TP73: variants seen among roughly 807,000 people sequenced by gnomAD.
TP73 encodes the protein tumor protein p73.
TP73 carries 25 observed loss-of-function variants against 62.5 expected under a neutral mutation model. The observed-to-expected ratio is 0.40, with a 90% CI of 0.29 to 0.56. The LOEUF is 0.56. Ranked by LOEUF, TP73 falls within the 20% of genes least tolerant of loss-of-function variation. TP73 has a pLI of 0.46. For synonymous variants in TP73, 423 were observed against 377.5 expected (o/e 1.12, Z -1.40); for missense variants, 754 against 913.3 (o/e 0.83, Z 2.25).
chr1:3,667,477 G>A (rs542520187), intron 1 of TP73, among the ~76,000 whole-genome samples: 6 of 152,352 alleles, frequency 3.9e-5, no homozygotes, highest in South Asian at 2.1e-4. Context: ...GCAGCTGGGC[G>A]CGGTGGCTCA....
At chr1:3,705,063 G>T (rs1334031142) in intron 3 of TP73, among the ~76,000 whole-genome samples, 4 of 152,242 alleles carry the variant, frequency 2.6e-5, no homozygotes, top group Non-Finnish European at 5.9e-5. Context: ...TTGAGACAAA[G>T]TCTTGCCCTG....
intron 4 of TP73, chr1:3,714,176 C>G (rs1471113166): frequency 1.3e-5 from 2 of 152,240 alleles, no homozygotes; most frequent in Non-Finnish European, 2.9e-5. Flanking sequence ...TAGATTCTAG[C>G]CAACTATTAC....
At chr1:3,665,819 C>CTTTTT (rs140454580) in intron 1 of TP73, among the ~76,000 whole-genome samples, 1 of 96,910 alleles carries the variant, frequency 1.0e-5, no homozygotes, top group Admixed American at 1.2e-4. Context: ...CGTGCCCGGC[C>CTTTTT]TTTTTTTTTT....
chr1:3,721,199 C>T (rs2124473788), intron 4 of TP73, among the ~76,000 whole-genome samples: 1 of 152,384 alleles, frequency 6.6e-6, no homozygotes, highest in Non-Finnish European at 1.5e-5. Flanking sequence ...CTCAGATGGG[C>T]AGCCGGGCCC....
chr1:3,677,775 C>A (rs958652440), intron 1 of TP73, among the ~76,000 whole-genome samples: 28 of 151,280 alleles, frequency 1.9e-4, no homozygotes, highest in South Asian at 6.3e-4. Flanking sequence ...CTCACTGCAG[C>A]CTCGAGCCCC....
intron 3 of TP73, among the ~76,000 whole-genome samples, chr1:3,685,041 G>T (rs573900145): frequency 1.8e-4 from 27 of 152,236 alleles, no homozygotes; most frequent in African/African-American, 6.5e-4. Flanking sequence ...GGAACTGGCC[G>T]CTGGACCCCA....
chr1:3,720,047 T>C (rs1461943413), intron 4 of TP73, among the ~76,000 whole-genome samples: 2 of 152,020 alleles, frequency 1.3e-5, no homozygotes, highest in Non-Finnish European at 2.9e-5. Flanking sequence ...CTCAGCTTCC[T>C]GAGTAGCTGG....
At chr1:3,723,135 C>T (rs1029432092) in intron 5 of TP73, among the ~76,000 whole-genome samples, 1 of 145,964 alleles carries the variant, frequency 6.9e-6, no homozygotes, top group Non-Finnish European at 1.5e-5. Context: ...TGGCACAGAG[C>T]TGGGCACCTC....
In TP73 at chr1:3,735,079, T is replaced by G. The variant is rs1642383449; in HGVS notation, c.*2000T>G. 1 of 152,220 alleles carries G rather than the reference T, an allele frequency of 6.6e-6. No individual in the cohort carries two copies. Among genetic ancestry groups the G allele is most frequent in the African/African-American group, 2.4e-5 (1 of 41,416 alleles). 9.4% of individuals were successfully genotyped at this position (152,220 alleles called of 1,614,324 possible). A position where few individuals can be genotyped will look rare whatever the true frequency, so the allele number is the denominator to read the frequency against. Reference sequence around the variant, plus strand: ...CTGCATGTCACCTCAGCTCTCCATCTTATTGCCATTTTGTAGATGAGGAAG... The same window carrying G: ...CTGCATGTCACCTCAGCTCTCCATCGTATTGCCATTTTGTAGATGAGGAAG... On this transcript the variant is annotated 3_prime_UTR_variant, in exon 14 of 14. Transcript: ENST00000378295.
rs1320139932 is a variant in TP73 at position 3,663,629 on chromosome 1, T to C, written c.-34+10988T>C. ...TACTCGGGAGGCTGAGGCAGGAGAA[T>C]GGCGTGAACCAGGAAGGTGGAGCTT... is the stretch of plus-strand genomic sequence containing the variant. On this transcript the variant is annotated intron_variant, in intron 1 of 13. Transcript: ENST00000378295. This position sits in a 1 kb window ranked among gnomAD's most constrained non-coding sequence, Gnocchi z 4.7. Among the ~76,000 whole-genome samples, 1 of 148,840 alleles carries C rather than the reference T, an allele frequency of 6.7e-6. No individual in the cohort carries two copies. Among genetic ancestry groups the C allele is most frequent in the East Asian group, 2.0e-4 (1 of 5,050 alleles).
intron 1 of TP73, among the ~76,000 whole-genome samples, chr1:3,654,710 C>A (rs1644829774): frequency 1.3e-5 from 2 of 152,174 alleles, no homozygotes; most frequent in African/African-American, 4.8e-5. Context: ...AGACCCGGCT[C>A]CTTAGTATCT....
chr1:3,717,684 G>A (rs1640723053), intron 4 of TP73, among the ~76,000 whole-genome samples: 1 of 152,212 alleles, frequency 6.6e-6, no homozygotes, highest in African/African-American at 2.4e-5. Context: ...GGAGACAGGA[G>A]GAAGGAGCTG....
Position 3,730,124 on chromosome 1 carries a change from G to T in TP73, c.1321G>T (p.Ala441Ser), listed in dbSNP as rs371086467. 3.6e-5 allele frequency: 56 copies of T among 1,565,928 alleles called. No homozygotes were observed. Among genetic ancestry groups the T allele is most frequent in the Non-Finnish European group, 4.6e-5 (53 of 1,155,196 alleles). Residue 441 changes from alanine to serine, a missense_variant, in exon 11 of 14, where the codon GCT becomes TCT. Ala to Ser is a moderately conservative substitution (Grantham distance 99). Coordinates refer to ENST00000378295, the MANE Select transcript of TP73 (RefSeq NM_005427.4). ...CCAGCCTCCCCCGCACAGTTCGGCA[G>T]CTACACCCAACCTGGGGCCCGTGGG... ...VGQPPPHSSA[A>S]TPNLGPVGPG...
In TP73 at chr1:3,701,128, A is replaced by G. The variant is rs1461499491; in HGVS notation, c.187-6421A>G. Among the ~76,000 whole-genome samples, 1 of 152,082 alleles carries G rather than the reference A, an allele frequency of 6.6e-6. No individual in the cohort carries two copies. The highest frequency in any genetic ancestry group is 1.5e-5 in the Non-Finnish European group (1 of 68,006). On this transcript the variant is annotated intron_variant, in intron 3 of 13. Transcript: ENST00000378295. This position sits in a 1 kb window ranked among gnomAD's most constrained non-coding sequence, Gnocchi z 4.7. ...TTTCAGGGTCTGTTTCATCCAACCA[A>G]GAGTTTCTGAGCGTCCTGTCGGTAC...
chr1:3,691,068 G>A (rs1474070725), intron 3 of TP73: 2 of 1,382,180 alleles, frequency 1.4e-6, no homozygotes, highest in African/African-American at 1.4e-5. Context: ...TGCCAGTTGG[G>A]GTGAGCAGAG....
At position 3,730,966 on chromosome 1, in the gene TP73, C is replaced by T. The variant is rs2124543449; in HGVS notation, c.1385C>T (p.Ala462Val). Residue 462 changes from alanine to valine, a missense_variant, in exon 12 of 14, where the codon GCC (alanine) becomes GTC (valine). Coordinates refer to ENST00000378295, the MANE Select transcript of TP73 (RefSeq NM_005427.4). Reference protein sequence around the residue: ...MLNNHGHAVPANGEMSSSHSA... With the variant: ...MLNNHGHAVPVNGEMSSSHSA... ...AACAACCATGGCCACGCAGTGCCAG[C>T]CAACGGCGAGATGAGCAGCAGCCAC... The T allele has an allele frequency of 6.2e-6, 10 of 1,611,700 alleles. No individual in the cohort carries two copies. The highest frequency in any genetic ancestry group is 8.5e-6 in the Non-Finnish European group (10 of 1,179,558).
intron 4 of TP73, among the ~76,000 whole-genome samples, chr1:3,713,392 G>A (rs977650006): frequency 6.6e-6 from 1 of 152,202 alleles, no homozygotes; most frequent in Non-Finnish European, 1.5e-5. Context: ...GGAAAGAGAG[G>A]CCCACAGGGG....
intron 2 of TP73, 78 bp downstream of exon 2, chr1:3,682,508 C>A: frequency 7.6e-7 from 1 of 1,324,132 alleles, no homozygotes; most frequent in South Asian, 1.7e-5. Context: ...CTTCGCTGGG[C>A]TAACTGGGCC....
At chr1:3,695,557 G>A (rs1408358057) in intron 3 of TP73, among the ~76,000 whole-genome samples, 1 of 152,230 alleles carries the variant, frequency 6.6e-6, no homozygotes, top group East Asian at 1.9e-4. Flanking sequence ...CGGATCTGGA[G>A]CTTTGGACAC....
Sources: allele counts gnomAD v4.1 joint callset (sites outside exome capture counted in the v4.1 genomes callset), GRCh38; gene constraint gnomAD v4.1.1; non-coding constraint Gnocchi (gnomAD v3.1); transcripts MANE v1.5; gene names NCBI Gene and HGNC (gene_info 2026-07-23, HGNC 2026-07-21).